CERS6: variants seen among roughly 807,000 people sequenced by gnomAD.
The protein encoded by CERS6 is ceramide synthase 6, also known as LAG1 homolog, ceramide synthase 6.
CERS6 carries 26 observed loss-of-function variants against 56.8 expected under a neutral mutation model. The ratio of observed to expected loss-of-function variants is 0.46; its 90% CI spans 0.34 to 0.63. The LOEUF (loss-of-function observed/expected upper bound fraction) is 0.63, where lower values mean the gene tolerates loss of function less well. Among genes scored for constraint, CERS6 ranks in the 30% least tolerant of loss-of-function variants. The probability of loss-of-function intolerance (pLI) is 0.01; values close to 1 mark genes in which losing one functional copy is unlikely to be tolerated. For synonymous variants in CERS6, 164 were observed against 173.3 expected (o/e 0.95, Z 0.42); for missense variants, 415 against 467.5 (o/e 0.89, Z 1.04).
chr2:168,663,886 A>G (rs1201114821), intron 4 of CERS6, among the ~76,000 whole-genome samples: 1 of 152,146 alleles, frequency 6.6e-6, no homozygotes, highest in Non-Finnish European at 1.5e-5. Context: ...AATTTGGGTC[A>G]GTTAAAAAAA....
At chr2:168,559,754 T>TATATATATATATATA (rs56014027) in intron 2 of CERS6, among the ~76,000 whole-genome samples, 36 of 123,842 alleles carry the variant, frequency 2.9e-4, no homozygotes, top group Non-Finnish European at 4.3e-4. Context: ...TATATATATA[T>TATATATATATATATA]TTCACCCTTA....
chr2:168,672,434 G>A (rs568221965), intron 4 of CERS6, among the ~76,000 whole-genome samples: 9 of 152,258 alleles, frequency 5.9e-5, no homozygotes, highest in South Asian at 2.1e-4. Flanking sequence ...AGACATCAGC[G>A]AAGTCAGAAG....
At chr2:168,626,629 G>A (rs555964502) in intron 3 of CERS6, among the ~76,000 whole-genome samples, 31 of 152,274 alleles carry the variant, frequency 2.0e-4, no homozygotes, top group African/African-American at 6.3e-4. Context: ...ACACATTGAC[G>A]TCTCTAGGCA....
rs185939709 is a variant in CERS6, at chr2:168,725,063, C to T, written c.845+7085C>T. ...GCCCCATGGGAAGGCAGCTAAGGCC[C>T]AGCGAGAAATCGAGCGCAGCGCCAG... On this transcript the variant is annotated intron_variant, in intron 8 of 9. Transcript: ENST00000305747. Among the ~76,000 whole-genome samples the T allele has an allele frequency of 4.5e-4, 68 of 152,338 alleles. No homozygotes were observed. The Middle Eastern group carries it at 0.014, about 30-fold the overall frequency.
chr2:168,538,973 T>TGTCTAAGCTA (rs1454508009), intron 1 of CERS6, among the ~76,000 whole-genome samples: 7,788 of 14,736 alleles, frequency 0.53, 3,877 homozygotes, highest in East Asian at 1. Context: ...TTTTTTTTTT[T>TGTCTAAGCTA]TTTTTTTTTT....
chr2:168,584,491 A>G (rs1047412292), intron 3 of CERS6, among the ~76,000 whole-genome samples: 1 of 152,220 alleles, frequency 6.6e-6, no homozygotes, highest in Admixed American at 6.5e-5. Context: ...GTGCACATAC[A>G]CACAGCTTCT....
intron 1 of CERS6, among the ~76,000 whole-genome samples, chr2:168,527,044 A>G (rs1695084328): frequency 6.6e-6 from 1 of 152,136 alleles, no homozygotes; most frequent in Admixed American, 6.5e-5. Context: ...AGGCTCTAAA[A>G]CCATGTTTCT....
intron 1 of CERS6, among the ~76,000 whole-genome samples, chr2:168,485,600 T>C (rs1221142395): frequency 6.6e-6 from 1 of 152,324 alleles, no homozygotes; most frequent in South Asian, 2.1e-4. Flanking sequence ...AATCATACAG[T>C]GTGTAACCTT....
chr2:168,626,306 C>G (rs1036591127), intron 3 of CERS6, among the ~76,000 whole-genome samples: 1 of 152,126 alleles, frequency 6.6e-6, no homozygotes, highest in Non-Finnish European at 1.5e-5. Flanking sequence ...GCCCTGGTCT[C>G]CCTAGAACAT....
chr2:168,555,119 T>C (rs1695652475), intron 2 of CERS6, among the ~76,000 whole-genome samples: 1 of 152,094 alleles, frequency 6.6e-6, no homozygotes, highest in African/African-American at 2.4e-5. Context: ...GACTGTACTT[T>C]CTTTTCAAGT....
rs561211738 is a variant in CERS6 at position 168,735,622 on chromosome 2, C to T, written c.845+17644C>T. Among the ~76,000 whole-genome samples, 5 of 151,968 alleles carry T rather than the reference C, an allele frequency of 3.3e-5. No individual in the cohort carries two copies. The South Asian group carries it at 8.3e-4, about 25-fold the overall frequency. Reference sequence around the variant, plus strand: ...GTGCAGTGGCTCATGCCTACAATCCCAGCACTTTAGGAGACTGAAGAGGCA... The same window carrying T: ...GTGCAGTGGCTCATGCCTACAATCCTAGCACTTTAGGAGACTGAAGAGGCA... On this transcript the variant is annotated intron_variant, in intron 8 of 9. Coordinates refer to ENST00000305747, the MANE Select transcript of CERS6 (RefSeq NM_203463.3).
At chr2:168,696,246 G>T (rs1686643683) in intron 6 of CERS6, among the ~76,000 whole-genome samples, 1 of 152,138 alleles carries the variant, frequency 6.6e-6, no homozygotes, top group Admixed American at 6.5e-5. Flanking sequence ...CTGAAGACAT[G>T]GTCTTCTAGT....
chr2:168,716,470 G>A (rs1365456923), intron 7 of CERS6, among the ~76,000 whole-genome samples: 4 of 151,102 alleles, frequency 2.6e-5, no homozygotes, highest in Non-Finnish European at 5.9e-5. Context: ...CTTGTATCCA[G>A]AAAAAAAAAT....
chr2:168,470,963 G>A (rs574069679), intron 1 of CERS6, among the ~76,000 whole-genome samples: 1 of 152,076 alleles, frequency 6.6e-6, no homozygotes, highest in Admixed American at 6.5e-5. Flanking sequence ...AGGCTGCCTC[G>A]CTCAGAGGCA....
intron 8 of CERS6, among the ~76,000 whole-genome samples, chr2:168,746,776 T>TATATATA (rs1684108914): frequency 7.8e-5 from 1 of 12,860 alleles, no homozygotes; most frequent in Non-Finnish European, 1.4e-4. Flanking sequence ...GGGTAAAGGG[T>TATATATA]ATATATATAT....
chr2:168,713,464 A>G (rs1240384764), intron 6 of CERS6, among the ~76,000 whole-genome samples: 1 of 152,178 alleles, frequency 6.6e-6, no homozygotes, highest in African/African-American at 2.4e-5. Context: ...AGAGATATAT[A>G]GATTAGATAA....
intron 1 of CERS6, among the ~76,000 whole-genome samples, chr2:168,490,338 G>A (rs933241293): frequency 5.9e-5 from 9 of 152,270 alleles, no homozygotes; most frequent in African/African-American, 2.2e-4. Flanking sequence ...TAAAGACTGG[G>A]TTTCCTGGAG....
At chr2:168,501,086 T>C (rs567392716) in intron 1 of CERS6, among the ~76,000 whole-genome samples, 1 of 152,158 alleles carries the variant, frequency 6.6e-6, no homozygotes, top group Non-Finnish European at 1.5e-5. Flanking sequence ...AAGGGGAGTA[T>C]AAGTGTTTAT....
At chr2:168,572,418 G>A (rs756794738) in intron 3 of CERS6, among the ~76,000 whole-genome samples, 2 of 152,034 alleles carry the variant, frequency 1.3e-5, no homozygotes, top group Non-Finnish European at 2.9e-5. Flanking sequence ...GAGAAGTAAA[G>A]AGAGGTGGAA....
Sources: gnomAD v4.1 joint callset for allele counts (sites outside exome capture counted in the v4.1 genomes callset) on GRCh38, gnomAD v4.1.1 for gene constraint, MANE v1.5 for transcripts, NCBI Gene and HGNC (gene_info 2026-07-23, HGNC 2026-07-21) for gene names.